Variants in ELMO2 observed in about 807,000 individuals in gnomAD.
The protein encoded by ELMO2 is engulfment and cell motility 2, also known as engulfment and cell motility protein 2.
ELMO2 carries 37 observed loss-of-function variants against 96.2 expected under a neutral mutation model. The observed-to-expected ratio is 0.38, with a 90% CI of 0.30 to 0.51. ELMO2 has a LOEUF of 0.51. Among genes scored for constraint, ELMO2 ranks in the 20% least tolerant of loss-of-function variants. The pLI is 0.88. For missense variants in ELMO2, 561 were observed against 912.6 expected, an observed-to-expected ratio of 0.61 and a Z score of 4.96; for synonymous variants, 315 against 329.4, an observed-to-expected ratio of 0.96 and a Z score of 0.47.
chr20:46,394,144 G>T, intron 3 of ELMO2, 55 bp from the exon 4 acceptor site: 1 of 1,518,946 alleles, frequency 6.6e-7, no homozygotes, highest in Non-Finnish European at 9.1e-7. Context: ...CTCATGCCAA[G>T]GTTCTGACAA....
In ELMO2 at chr20:46,398,501, C is replaced by T. The variant is rs185736299; in HGVS notation, c.-51+196G>A. Among the ~76,000 whole-genome samples the T allele has an allele frequency of 5.4e-4, 82 of 152,100 alleles. 1 individual carries two copies. The highest frequency in any genetic ancestry group is 1.5e-3 in the African/African-American group (63 of 41,502). On this transcript the variant is annotated intron_variant, in intron 2 of 21. Coordinates refer to ENST00000290246, the MANE Select transcript of ELMO2 (RefSeq NM_133171.5). ...CTAATTTTTGTATTTTTAGTAGAGA[C>T]GGGGTTTCACCATGTTGGCCAGGCT...
At chr20:46,390,567 C>T (rs535928966) in intron 6 of ELMO2, among the ~76,000 whole-genome samples, 12 of 152,328 alleles carry the variant, frequency 7.9e-5, no homozygotes, top group Admixed American at 2.0e-4. Context: ...CTGCAAGCTG[C>T]GGCTAAAATC....
chr20:46,400,166 CTGT>C (rs2060312035), intron 1 of ELMO2, among the ~76,000 whole-genome samples: 1 of 152,098 alleles, frequency 6.6e-6, no homozygotes, highest in African/African-American at 2.4e-5. Context: ...AAATAAAAAA[CTGT>C]TGTTTTCATA....
intron 6 of ELMO2, among the ~76,000 whole-genome samples, chr20:46,389,683 C>A (rs1568776339): frequency 6.6e-6 from 1 of 151,808 alleles, no homozygotes; most frequent in Non-Finnish European, 1.5e-5. Context: ...CCCTGACTCC[C>A]AAAAAATTTT....
intron 20 of ELMO2, 174 bp downstream of exon 20, chr20:46,370,269 C>A: frequency 1.4e-6 from 1 of 706,500 alleles, no homozygotes. Context: ...GTTGCTGAGT[C>A]TGGGTGATGT....
rs2257495 is a variant in ELMO2, at chr20:46,367,543, A to G, written c.1980T>C (p.Asp660=). 1 allele frequency: 1,608,171 copies of G among 1,612,608 alleles called. 801,969 individuals are homozygous for G. The highest frequency in any genetic ancestry group is 1 in the Non-Finnish European group (1,179,255 of 1,179,362). The change falls in exon 22 of 22, where the codon GAT becomes GAC. Residue 660 remains aspartate, a synonymous_variant. Transcript: ENST00000290246. ...CCTTCCCCAGAAGGGCACTGAGGCC[A>G]TCAATCCAGATGCAGTACTGTGGGG... The part of the protein sequence containing the change: ...PNKYEYCIWI[D]GLSALLGKDM...
chr20:46,370,411 G>A lies in ELMO2; in HGVS notation c.1884+32C>T, dbSNP rs778353818. 2.0e-5 allele frequency: 32 copies of A among 1,598,970 alleles called. No homozygotes were observed. In the South Asian group the frequency reaches 3.3e-4, roughly 17 times the overall value. Reference sequence around the variant, plus strand: ...CAATGGCACTCTCCAAGTATCACTGGGCCAGCTACTCAAACTGGCCTCTCT... The same window carrying A: ...CAATGGCACTCTCCAAGTATCACTGAGCCAGCTACTCAAACTGGCCTCTCT... On this transcript the variant is annotated intron_variant, in intron 20 of 21. Transcript: ENST00000290246.
chr20:46,405,712 C>T (rs2060424383), intron 1 of ELMO2, among the ~76,000 whole-genome samples: 1 of 152,098 alleles, frequency 6.6e-6, no homozygotes, highest in African/African-American at 2.4e-5. Flanking sequence ...GGTGAAACCC[C>T]GTCTCTACTA....
intron 2 of ELMO2, among the ~76,000 whole-genome samples, chr20:46,396,489 A>G (rs1389664282): frequency 6.6e-6 from 1 of 152,118 alleles, no homozygotes. Context: ...GACACTGAAC[A>G]TTTTCATCAC....
rs993592139 is a variant in ELMO2 at position 46,373,538 on chromosome 20, G to A, written c.1280-3C>T. 7 of 1,613,286 alleles carry A rather than the reference G, an allele frequency of 4.3e-6. No individual in the cohort carries two copies. Among genetic ancestry groups the A allele is most frequent in the East Asian group, 2.2e-5 (1 of 44,880 alleles). On this transcript the variant is annotated splice_polypyrimidine_tract_variant and splice_region_variant and intron_variant, in intron 15 of 21. Coordinates refer to ENST00000290246, the MANE Select transcript of ELMO2 (RefSeq NM_133171.5). ...GTAGTCATTGCGTCCTTCATTTGCTGTGGAAGTGAAAAAACAGGGAGAAGA... is the reference window on the plus strand; with the variant it reads ...GTAGTCATTGCGTCCTTCATTTGCTATGGAAGTGAAAAAACAGGGAGAAGA...
At chr20:46,380,174 T>G (rs1024454647) in intron 11 of ELMO2, 79 bp downstream of exon 11, 3 of 1,253,740 alleles carry the variant, frequency 2.4e-6, no homozygotes, top group Non-Finnish European at 3.4e-6. Flanking sequence ...TCATTAATAA[T>G]TTCAATAATA....
chr20:46,404,734 A>T (rs2145867844), intron 1 of ELMO2, among the ~76,000 whole-genome samples: 1 of 152,354 alleles, frequency 6.6e-6, no homozygotes, highest in Admixed American at 6.5e-5. Flanking sequence ...AGTACAAAAA[A>T]CAAGAACGTA....
chr20:46,377,606 C>T (rs2059885986), intron 11 of ELMO2, among the ~76,000 whole-genome samples: 1 of 152,232 alleles, frequency 6.6e-6, no homozygotes, highest in Admixed American at 6.5e-5. Flanking sequence ...AAGTACTACA[C>T]ATGACTGGTG....
intron 6 of ELMO2, among the ~76,000 whole-genome samples, chr20:46,392,824 TGA>T (rs2060175593): frequency 6.6e-6 from 1 of 152,266 alleles, no homozygotes; most frequent in Non-Finnish European, 1.5e-5. Context: ...ATCTCCAGGC[TGA>T]GTTAGGTGGT....
intron 2 of ELMO2, among the ~76,000 whole-genome samples, chr20:46,395,424 T>C (rs770269144): frequency 1.3e-5 from 2 of 152,178 alleles, no homozygotes; most frequent in Non-Finnish European, 2.9e-5. Context: ...AATGTATATT[T>C]ACACTCCTTG....
Position 46,374,363 on chromosome 20 carries a change from C to A in ELMO2, c.1248G>T (p.Met416Ile). Reference protein sequence around the residue: ...FGRSAIELTKMLCEILQVGEL... With the variant: ...FGRSAIELTKILCEILQVGEL... ...CCCCAACCTGCAGGATTTCACAGAGCATTTTGGTGAGCTCAATGGCACTGC... is the reference window on the plus strand; with the variant it reads ...CCCCAACCTGCAGGATTTCACAGAGAATTTTGGTGAGCTCAATGGCACTGC... The change falls in exon 15 of 22, where the codon ATG becomes ATT. Residue 416 changes from methionine (M) to isoleucine (I), a missense_variant. By Grantham distance (10) the Met-to-Ile change is conservative. Coordinates refer to ENST00000290246, the MANE Select transcript of ELMO2 (RefSeq NM_133171.5). 6.2e-7 allele frequency: 1 copy of A among 1,614,104 alleles called. No individual in the cohort carries two copies. Among genetic ancestry groups the A allele is most frequent in the Non-Finnish European group, 8.5e-7 (1 of 1,180,016 alleles).
chr20:46,405,412 G>A (rs970216006), intron 1 of ELMO2, among the ~76,000 whole-genome samples: 1 of 152,176 alleles, frequency 6.6e-6, no homozygotes, highest in African/African-American at 2.4e-5. Flanking sequence ...AGGAGCTTGG[G>A]ATGTAGAAGG....
intron 11 of ELMO2, among the ~76,000 whole-genome samples, chr20:46,377,419 G>C (rs982390784): frequency 6.6e-6 from 1 of 151,990 alleles, no homozygotes; most frequent in Non-Finnish European, 1.5e-5. Flanking sequence ...TATGTCCACT[G>C]GACGGTCCTG....
chr20:46,368,740 G>A (rs1482881908), intron 21 of ELMO2, 151 bp downstream of exon 21: 1 of 770,582 alleles, frequency 1.3e-6, no homozygotes, highest in Non-Finnish European at 2.1e-6. Context: ...CCATCCTATT[G>A]AAATGCCACC....
Sources: gnomAD v4.1 joint callset for allele counts (sites outside exome capture counted in the v4.1 genomes callset) on GRCh38, gnomAD v4.1.1 for gene constraint, MANE v1.5 for transcripts, NCBI Gene and HGNC (gene_info 2026-07-23, HGNC 2026-07-21) for gene names.